ADGRV1: variants seen among roughly 807,000 people sequenced by gnomAD.
ADGRV1 encodes the protein G-protein coupled receptor 98.
In ADGRV1, 359 loss-of-function variants were observed where a neutral mutation model predicts 596.2. The ratio of observed to expected loss-of-function variants is 0.60; its 90% confidence interval spans 0.55 to 0.66. ADGRV1 has a LOEUF of 0.66. ADGRV1 is among the 30% of genes least tolerant of loss of function. The probability of loss-of-function intolerance (pLI) is 0.00; values close to 1 mark genes in which losing one functional copy is unlikely to be tolerated. For missense variants in ADGRV1, 7,274 were observed against 7,575.6 expected, an observed-to-expected ratio of 0.96 and a Z score of 1.48; for synonymous variants, 2,681 against 2,679.2, an observed-to-expected ratio of 1.00 and a Z score of -0.02.
At chr5:90,930,899 A>G (rs1393823517) in intron 83 of ADGRV1, among the ~76,000 whole-genome samples, 1 of 152,164 alleles carries the variant, frequency 6.6e-6, no homozygotes, top group Non-Finnish European at 1.5e-5. Context: ...ATCTGGGATT[A>G]CTACTGCCTA....
In ADGRV1 at chr5:90,689,976, T is replaced by C. The variant is rs746758764; in HGVS notation, c.6606T>C (p.Leu2202=). 1 of 1,610,002 alleles carries C rather than the reference T, an allele frequency of 6.2e-7. No individual in the cohort carries two copies. The highest frequency in any genetic ancestry group is 8.5e-7 in the Non-Finnish European group (1 of 1,177,946). ...ATCCTGAACTGGAAGAATCTTTTCT[T>C]GTGCAACTGATGAATGAAACAACAG... The part of the protein sequence containing the change: ...DIYPELEESF[L]VQLMNETTGG... Residue 2202 remains leucine (L), a synonymous_variant, in exon 30 of 90, where the codon CTT becomes CTC. Transcript: ENST00000405460.
chr5:90,808,908 C>G (rs1762157956), intron 73 of ADGRV1, among the ~76,000 whole-genome samples: 1 of 151,540 alleles, frequency 6.6e-6, no homozygotes, highest in African/African-American at 2.4e-5. Context: ...TCAAAAACAA[C>G]AAGAAGTAGT....
chr5:90,658,374 G>A (rs1769729005), intron 21 of ADGRV1, 96 bp downstream of exon 21: 12 of 1,143,520 alleles, frequency 1.0e-5, no homozygotes, highest in East Asian at 5.0e-5. Context: ...GATTGGTTGC[G>A]CATCTACTCC....
At chr5:91,051,543 T>G in intron 85 of ADGRV1, among the ~76,000 whole-genome samples, 1 of 82,494 alleles carries the variant, frequency 1.2e-5, no homozygotes, top group East Asian at 2.1e-4. Flanking sequence ...TAGGATTTTT[T>G]TTTTTTTTTT....
intron 86 of ADGRV1, among the ~76,000 whole-genome samples, chr5:91,081,419 G>A (rs961057817): frequency 6.6e-6 from 1 of 152,062 alleles, no homozygotes; most frequent in Non-Finnish European, 1.5e-5. Context: ...CCACACTGAA[G>A]CATTCTAAAA....
chr5:90,757,051 C>T lies in ADGRV1; in HGVS notation c.11830C>T (p.Leu3944=). ...LNVLQVPVVR[L]AGSFGAVNVY... ...CGTTCTTCAAGTTCCTGTAGTCCGG[C>T]TGGCTGGAAGCTTTGGGGCAGTAAA... Residue 3944 remains leucine, a synonymous_variant, in exon 57 of 90, where the codon CTG becomes TTG. Transcript: ENST00000405460. 6.2e-7 allele frequency: 1 copy of T among 1,613,862 alleles called. No individual in the cohort carries two copies. The highest frequency in any genetic ancestry group is 8.5e-7 in the Non-Finnish European group (1 of 1,179,784).
chr5:90,821,790 C>T (rs578174069), intron 75 of ADGRV1, among the ~76,000 whole-genome samples: 2,200 of 152,062 alleles, frequency 0.014, 16 homozygotes, highest in Middle Eastern at 0.055. Context: ...TCTCCAGCTG[C>T]GTGCTGGGAG....
intron 34 of ADGRV1, among the ~76,000 whole-genome samples, chr5:90,702,240 A>G (rs1748000635): frequency 6.6e-6 from 1 of 151,944 alleles, no homozygotes; most frequent in African/African-American, 2.4e-5. Flanking sequence ...ATGGTATGCT[A>G]GCAATGGCTG....
chr5:91,137,504 G>T (rs1003522147), intron 87 of ADGRV1, among the ~76,000 whole-genome samples: 1 of 152,112 alleles, frequency 6.6e-6, no homozygotes, highest in African/African-American at 2.4e-5. Context: ...TATGAAGCAG[G>T]TACCATATAT....
chr5:91,163,015 C>T (rs551263237), intron 89 of ADGRV1, among the ~76,000 whole-genome samples: 2 of 151,776 alleles, frequency 1.3e-5, no homozygotes, highest in South Asian at 2.1e-4. Flanking sequence ...TTCCTCTGAA[C>T]GTTATTACAA....
At position 90,697,160 on chromosome 5, in the gene ADGRV1, T is replaced by C; in HGVS notation, c.8155+14T>C. On this transcript the variant is annotated intron_variant, in intron 34 of 89. Transcript: ENST00000405460. ...TAGGTCATGAAGGTGGGTTCCTTTT[T>C]TTGTTAAGCATATTCATTTTCTTTT... 6.2e-7 allele frequency: 1 copy of C among 1,603,912 alleles called. No individual in the cohort carries two copies. The highest frequency in any genetic ancestry group is 8.5e-7 in the Non-Finnish European group (1 of 1,172,796).
chr5:90,575,012 A>G (rs1757016055), intron 1 of ADGRV1, among the ~76,000 whole-genome samples: 1 of 151,554 alleles, frequency 6.6e-6, no homozygotes, highest in Non-Finnish European at 1.5e-5. Context: ...GGGTTTATCA[A>G]TTTTATTTAT....
At chr5:90,807,464 C>T in intron 72 of ADGRV1, 138 bp from the exon 73 acceptor site, 2 of 839,012 alleles carry the variant, frequency 2.4e-6, no homozygotes, top group East Asian at 5.6e-5. Flanking sequence ...CCCCCGACCC[C>T]TTTTTAAAAA....
At chr5:90,566,829 G>A (rs1755698219) in intron 1 of ADGRV1, among the ~76,000 whole-genome samples, 1 of 151,640 alleles carries the variant, frequency 6.6e-6, no homozygotes. Flanking sequence ...TAATTGTCCT[G>A]CCTAGAACTT....
chr5:90,640,716 G>A (rs1274546319), intron 11 of ADGRV1: 1 of 152,580 alleles, frequency 6.6e-6, no homozygotes, highest in African/African-American at 2.4e-5. Context: ...AAAAAAGGAA[G>A]CCTTTCTTTA....
At chr5:90,822,574 C>A (rs1347640406) in intron 75 of ADGRV1, among the ~76,000 whole-genome samples, 1 of 152,136 alleles carries the variant, frequency 6.6e-6, no homozygotes, top group Non-Finnish European at 1.5e-5. Context: ...ATGCCTCCAG[C>A]TTTGTTCTTT....
At chr5:90,671,894 A>G (rs1772519010) in intron 21 of ADGRV1, among the ~76,000 whole-genome samples, 1 of 152,220 alleles carries the variant, frequency 6.6e-6, no homozygotes, top group South Asian at 2.1e-4. Flanking sequence ...CCACTTGAAA[A>G]AAATACCTCT....
chr5:90,965,541 T>A lies in ADGRV1; in HGVS notation c.17973+10T>A. 1 of 1,462,550 alleles carries A rather than the reference T, an allele frequency of 6.8e-7. No individual in the cohort carries two copies. The highest frequency in any genetic ancestry group is 9.6e-7 in the Non-Finnish European group (1 of 1,043,526). The allele number at this position is 1,462,550 out of a possible 1,614,324, so 90.6% of individuals were successfully genotyped here. On this transcript the variant is annotated intron_variant, in intron 84 of 89. Transcript: ENST00000405460. ...CTGGATGCTCATTCAGGTTGGTACC[T>A]CATTCCCTCTCCCCGCCCCTTTAAT...
intron 85 of ADGRV1, among the ~76,000 whole-genome samples, chr5:90,988,466 A>G (rs1780676204): frequency 6.6e-6 from 1 of 152,116 alleles, no homozygotes; most frequent in Admixed American, 6.6e-5. Context: ...CTAAGTGCTG[A>G]CTTTGGTCTA....
Sources: gnomAD v4.1 joint callset for allele counts (sites outside exome capture counted in the v4.1 genomes callset) on GRCh38, gnomAD v4.1.1 for gene constraint, MANE v1.5 for transcripts, NCBI Gene and HGNC (gene_info 2026-07-23, HGNC 2026-07-21) for gene names.